The following LCAT variants were observed in gnomAD, a reference collection of about 807,000 sequenced individuals.
LCAT encodes phosphatidylcholine-sterol acyltransferase.
In LCAT, 15 loss-of-function variants were observed where a neutral mutation model predicts 41.0. That is an observed-to-expected ratio of 0.37 (90% CI 0.24 to 0.56). LCAT has a LOEUF of 0.56. Ranked by LOEUF, LCAT falls within the 20% of genes least tolerant of loss-of-function variation. LCAT has a pLI of 0.81. For synonymous variants in LCAT, 248 were observed against 245.4 expected, an observed-to-expected ratio of 1.01 and a Z score of -0.10; for missense variants, 449 against 595.1, an observed-to-expected ratio of 0.75 and a Z score of 2.55.
Position 67,940,298 on chromosome 16 carries a change from T to A in LCAT, c.929A>T (p.His310Leu). 1 of 1,614,070 alleles carries A rather than the reference T, an allele frequency of 6.2e-7. No individual in the cohort carries two copies. Among genetic ancestry groups the A allele is most frequent in the Non-Finnish European group, 8.5e-7 (1 of 1,180,016 alleles). Reference protein sequence around the residue: ...RDFQRFFADLHFEEGWYMWLQ... With the variant: ...RDFQRFFADLLFEEGWYMWLQ... ...CCACATGTACCAGCCTTCCTCAAAG[T>A]GCAGGTCTGCAAAGAAGCGTTGGAA... The change falls in exon 6 of 6, where the codon CAC (histidine) becomes CTC (leucine). Residue 310 changes from histidine (H) to leucine (L), a missense_variant. Coordinates refer to ENST00000264005, the MANE Select transcript of LCAT (RefSeq NM_000229.2).
Position 67,940,363 on chromosome 16 carries a change from C to T in LCAT, c.864G>A (p.Val288=). ...PSRMAWPEDH[V]FISTPSFNYT... The stretch of plus-strand genomic sequence containing the variant: ...AGTTGAAGCTGGGTGTGGAAATGAA[C>T]ACGTGGTCCTCAGGCCACGCCATGC... Residue 288 remains valine (V), a synonymous_variant, in exon 6 of 6, where the codon GTG becomes GTA. Transcript: ENST00000264005. 6.2e-7 allele frequency: 1 copy of T among 1,614,124 alleles called. No individual in the cohort carries two copies. Among genetic ancestry groups the T allele is most frequent in the Non-Finnish European group, 8.5e-7 (1 of 1,180,036 alleles).
chr16:67,943,409 G>A lies in LCAT; in HGVS notation c.155-197C>T. On this transcript the variant is annotated intron_variant, in intron 1 of 5. Transcript: ENST00000264005. The surrounding 1 kb of genome is among the most constrained non-coding windows in gnomAD (Gnocchi z 4.6). ...CAGTAGCCAAAGCCCAGGCTTCCCT[G>A]AGGAAGGGAAGGCGCTGAGGTGCTG... 1.6e-6 allele frequency: 1 copy of A among 628,902 alleles called. No individual in the cohort carries two copies. Among genetic ancestry groups the A allele is most frequent in the East Asian group, 3.0e-5 (1 of 33,758 alleles). The allele number at this position is 628,902 out of a possible 1,614,324, so 39.0% of individuals were successfully genotyped here. A position where few individuals can be genotyped will look rare whatever the true frequency, so the allele number is the denominator to read the frequency against.
Position 67,942,292 on chromosome 16 carries a change from G to T in LCAT, c.748+71C>A. 1 of 1,511,390 alleles carries T rather than the reference G, an allele frequency of 6.6e-7. No individual in the cohort carries two copies. The highest frequency in any genetic ancestry group is 2.3e-5 in the East Asian group (1 of 44,052). The allele number at this position is 1,511,390 out of a possible 1,614,324, so 93.6% of individuals were successfully genotyped here. The stretch of plus-strand genomic sequence containing the variant: ...CTAGAGGCCACTGTGAGCAGGAGCC[G>T]CAATGAAGGCAGGCCCAGGATCAGC... On this transcript the variant is annotated intron_variant, in intron 5 of 5. Transcript: ENST00000264005. The surrounding 1 kb of genome is among the most constrained non-coding windows in gnomAD (Gnocchi z 6.6).
rs772313264 is a variant in LCAT, at chr16:67,940,035, C to T, written c.1192G>A (p.Gly398Arg). Residue 398 changes from glycine to arginine, a missense_variant, in exon 6 of 6, where the codon GGG becomes AGG. Transcript: ENST00000264005. ...AAGACCATGTTGAGATGCTGTATCC[C>T]GTGCAGGGGCAGCAGGTGCACAGGC... The part of the protein sequence containing the change: ...PQPVHLLPLH[G>R]IQHLNMVFSN... 5.1e-5 allele frequency: 82 copies of T among 1,613,410 alleles called. 1 individual carries two copies. The highest frequency in any genetic ancestry group is 3.3e-4 in the Middle Eastern group (2 of 6,084).
intron 5 of LCAT, among the ~76,000 whole-genome samples, chr16:67,940,990 G>A (rs13336998): frequency 0.029 from 4,340 of 151,982 alleles, 192 homozygotes; most frequent in African/African-American, 0.098. Context: ...GGGTGACACA[G>A]TGAGATTCCA....
rs1456250809 is a variant in LCAT at position 67,939,949 on chromosome 16, GGGACCCTGGC to G, written c.1268_1277del (p.Arg423ProfsTer23). 1 of 1,613,556 alleles carries G rather than the reference GGGACCCTGGC, an allele frequency of 6.2e-7. No individual in the cohort carries two copies. Among genetic ancestry groups the G allele is most frequent in the Non-Finnish European group, 8.5e-7 (1 of 1,179,982 alleles). ...CTGGGCTGGCAGTCGGGGATGCAGG[GGGACCCTGGC>G]GGTAGGCACCCAGCAGGATGGCATT... is the stretch of plus-strand genomic sequence containing the variant. On this transcript the variant is annotated frameshift_variant, in exon 6 of 6. Transcript: ENST00000264005. LOFTEE classifies it high-confidence loss of function.
chr16:67,943,233 T>G lies in LCAT; in HGVS notation c.155-21A>C. 1 of 1,611,608 alleles carries G rather than the reference T, an allele frequency of 6.2e-7. No individual in the cohort carries two copies. The highest frequency in any genetic ancestry group is 2.1e-4 in the Middle Eastern group (1 of 4,876). ...GGGCACTGTGAGCAGCAGCCCTCAC[T>G]CTGGACTCTGGATTCCCCCCGTGAC... On this transcript the variant is annotated intron_variant, in intron 1 of 5. Coordinates refer to ENST00000264005, the MANE Select transcript of LCAT (RefSeq NM_000229.2). The surrounding 1 kb of genome is among the most constrained non-coding windows in gnomAD (Gnocchi z 4.6).
Position 67,943,338 on chromosome 16 carries a change from C to T in LCAT, c.155-126G>A. 3.4e-6 allele frequency: 3 copies of T among 879,584 alleles called. No homozygotes were observed. Among genetic ancestry groups the T allele is most frequent in the Non-Finnish European group, 5.5e-6 (3 of 549,310 alleles). 54.5% of individuals were successfully genotyped at this position (879,584 alleles called of 1,614,324 possible). ...ATACCCTCAACCCCCAGGTACAAAG[C>T]ACACTTACCCTCCCCTGCTTACACC... is the stretch of plus-strand genomic sequence containing the variant. On this transcript the variant is annotated intron_variant, in intron 1 of 5. Coordinates refer to ENST00000264005, the MANE Select transcript of LCAT (RefSeq NM_000229.2). This position sits in a 1 kb window ranked among gnomAD's most constrained non-coding sequence, Gnocchi z 4.6.
chr16:67,941,606 C>G (rs1191280377), intron 5 of LCAT: 3 of 982,422 alleles, frequency 3.1e-6, no homozygotes, highest in Non-Finnish European at 3.6e-6. Flanking sequence ...GACAGAATGA[C>G]CCTGTCTGAA....
At chr16:67,941,612 CTGAAAA>C (rs1489175117) in intron 5 of LCAT, 27 of 984,040 alleles carry the variant, frequency 2.7e-5, no homozygotes, top group Non-Finnish European at 3.1e-5. Flanking sequence ...ATGACCCTGT[CTGAAAA>C]AGAAAAAAAA....
Position 67,943,698 on chromosome 16 carries a change from C to G in LCAT, c.154+250G>C, listed in dbSNP as rs1192240540. ...TGACCACAGCTTGTGATGCCCCAGC[C>G]AAGACCTCAGGCACACCCCGTCCCC... is the stretch of plus-strand genomic sequence containing the variant. On this transcript the variant is annotated intron_variant, in intron 1 of 5. Transcript: ENST00000264005. This position sits in a 1 kb window ranked among gnomAD's most constrained non-coding sequence, Gnocchi z 4.6. 6 of 553,442 alleles carry G rather than the reference C, an allele frequency of 1.1e-5. No individual in the cohort carries two copies. The highest frequency in any genetic ancestry group is 1.6e-5 in the Non-Finnish European group (5 of 311,362). 34.3% of individuals were successfully genotyped at this position (553,442 alleles called of 1,614,324 possible). A position where few individuals can be genotyped will look rare whatever the true frequency, so the allele number is the denominator to read the frequency against.
Position 67,943,949 on chromosome 16 carries a change from G to A in LCAT, c.153C>T (p.Leu51=), listed in dbSNP as rs768299969. ...ELSNHTRPVI[L]VPGCLGNQLE... ...ATCAGGGGCCTGGTGGGGGCTTACC[G>A]AGGATGACGGGCCGTGTGTGGTTAC... Residue 51 remains leucine, a splice_region_variant and synonymous_variant, in exon 1 of 6, where the codon CTC becomes CTT. Transcript: ENST00000264005. This position sits in a 1 kb window ranked among gnomAD's most constrained non-coding sequence, Gnocchi z 4.6. 26 of 1,545,990 alleles carry A rather than the reference G, an allele frequency of 1.7e-5. No individual in the cohort carries two copies. The highest frequency in any genetic ancestry group is 1.2e-4 in the East Asian group (5 of 40,852).
intron 5 of LCAT, chr16:67,941,528 G>T: frequency 1.7e-6 from 1 of 571,440 alleles, no homozygotes; most frequent in Non-Finnish European, 2.2e-6. Flanking sequence ...GGCTGAGGCA[G>T]GAGGATTGCT....
Position 67,943,315 on chromosome 16 carries a change from A to G in LCAT, c.155-103T>C. 1 of 1,024,414 alleles carries G rather than the reference A, an allele frequency of 9.8e-7. No homozygotes were observed. The highest frequency in any genetic ancestry group is 1.4e-6 in the Non-Finnish European group (1 of 700,200). The allele number at this position is 1,024,414 out of a possible 1,614,324, so 63.5% of individuals were successfully genotyped here. ...ACCAGACCCACCCCCCACCTCCCAT[A>G]CCCTCAACCCCCAGGTACAAAGCAC... is the stretch of plus-strand genomic sequence containing the variant. On this transcript the variant is annotated intron_variant, in intron 1 of 5. Transcript: ENST00000264005. This position sits in a 1 kb window ranked among gnomAD's most constrained non-coding sequence, Gnocchi z 4.6.
In LCAT at chr16:67,940,313, A is replaced by T; in HGVS notation, c.914T>A (p.Phe305Tyr). 6.2e-7 allele frequency: 1 copy of T among 1,614,132 alleles called. No individual in the cohort carries two copies. Among genetic ancestry groups the T allele is most frequent in the Non-Finnish European group, 8.5e-7 (1 of 1,180,036 alleles). Residue 305 changes from phenylalanine to tyrosine, a missense_variant, in exon 6 of 6, where the codon TTC (phenylalanine) becomes TAC (tyrosine). By Grantham distance (22) the Phe-to-Tyr change is conservative. Coordinates refer to ENST00000264005, the MANE Select transcript of LCAT (RefSeq NM_000229.2). Reference sequence around the variant, plus strand: ...TTCCTCAAAGTGCAGGTCTGCAAAGAAGCGTTGGAAGTCACGGCCTGTGTA... The same window carrying T: ...TTCCTCAAAGTGCAGGTCTGCAAAGTAGCGTTGGAAGTCACGGCCTGTGTA... Reference protein sequence around the residue: ...FNYTGRDFQRFFADLHFEEGW... With the variant: ...FNYTGRDFQRYFADLHFEEGW...
Position 67,942,557 on chromosome 16 carries a change from G to A in LCAT, c.554C>T (p.Ala185Val). The A allele has an allele frequency of 6.2e-7, 1 of 1,613,530 alleles. No homozygotes were observed. The highest frequency in any genetic ancestry group is 1.1e-5 in the South Asian group (1 of 91,092). The change falls in exon 5 of 6, where the codon GCA becomes GTA. Residue 185 changes from alanine to valine, a missense_variant. By Grantham distance (64) the Ala-to-Val change is moderately conservative. Coordinates refer to ENST00000264005, the MANE Select transcript of LCAT (RefSeq NM_000229.2). This position sits in a 1 kb window ranked among gnomAD's most constrained non-coding sequence, Gnocchi z 6.6. ...GQQEEYYRKL[A>V]GLVEEMHAAY... is the part of the protein sequence containing the mutation. The stretch of plus-strand genomic sequence containing the variant: ...AGCGTGCATCTCCTCCACCAGCCCT[G>A]CGAGCTTGCGGTAGTACTCCTCCTG...
At position 67,944,000 on chromosome 16, in the gene LCAT, CG is replaced by C. The variant is rs967875404; in HGVS notation, c.101del (p.Pro34ArgfsTer27). 1.9e-6 allele frequency: 3 copies of C among 1,547,950 alleles called. No homozygotes were observed. Among genetic ancestry groups the C allele is most frequent in the Non-Finnish European group, 2.6e-6 (3 of 1,145,620 alleles). ...PFWLLNVLFP[P>X]HTTPKAELSN... ...TGAGCTCAGCCTTGGGCGTGGTGTG[CG>C]GGGGGAAGAGCACATTGAGGAGCCA... On this transcript the variant is annotated frameshift_variant, in exon 1 of 6. Coordinates refer to ENST00000264005, the MANE Select transcript of LCAT (RefSeq NM_000229.2). LOFTEE classifies it high-confidence loss of function. This position sits in a 1 kb window ranked among gnomAD's most constrained non-coding sequence, Gnocchi z 4.6.
intron 5 of LCAT, 86 bp from the exon 6 acceptor site, chr16:67,940,564 C>G: frequency 1.9e-6 from 3 of 1,572,798 alleles, no homozygotes; most frequent in Non-Finnish European, 2.6e-6. Context: ...CAGCCAGATG[C>G]TCAATCTTGT....
In LCAT at chr16:67,943,840, C is replaced by G; in HGVS notation, c.154+108G>C. ...CCCACACCAGGGCAGGTACTTATGT[C>G]GGGGCTTATGCAGGGCAGAAGGGCT... On this transcript the variant is annotated intron_variant, in intron 1 of 5. Transcript: ENST00000264005. The surrounding 1 kb of genome is among the most constrained non-coding windows in gnomAD (Gnocchi z 4.6). The G allele has an allele frequency of 9.2e-7, 1 of 1,083,712 alleles. No individual in the cohort carries two copies. The highest frequency in any genetic ancestry group is 1.3e-6 in the Non-Finnish European group (1 of 765,142). 67.1% of individuals were successfully genotyped at this position (1,083,712 alleles called of 1,614,324 possible). A position where few individuals can be genotyped will look rare whatever the true frequency, so the allele number is the denominator to read the frequency against.
Sources: allele counts gnomAD v4.1 joint callset (sites outside exome capture counted in the v4.1 genomes callset), GRCh38; gene constraint gnomAD v4.1.1; non-coding constraint Gnocchi (gnomAD v3.1); transcripts MANE v1.5; gene names NCBI Gene and HGNC (gene_info 2026-07-23, HGNC 2026-07-21).